Variants in TMEM108 observed in about 807,000 individuals in gnomAD.
The protein encoded by TMEM108 is cancer/testis antigen 124.
Under a neutral mutation model 35.1 loss-of-function variants are expected in TMEM108, and 12 were observed. The observed-to-expected ratio is 0.34, with a 90% confidence interval of 0.22 to 0.55. The LOEUF (loss-of-function observed/expected upper bound fraction) is 0.55, where lower values mean the gene tolerates loss of function less well. Among genes scored for constraint, TMEM108 ranks in the 20% least tolerant of loss-of-function variants. TMEM108 has a pLI of 0.89. For synonymous variants in TMEM108, 287 were observed against 308.6 expected (o/e 0.93, Z 0.73); for missense variants, 680 against 753.3 (o/e 0.90, Z 1.14).
At chr3:133,320,072 AGCC>A (rs1207979515) in intron 3 of TMEM108, among the ~76,000 whole-genome samples, 1 of 152,228 alleles carries the variant, frequency 6.6e-6, no homozygotes, top group Non-Finnish European at 1.5e-5. Context: ...GTTCAAGACC[AGCC>A]TGGGCAACAT....
intron 3 of TMEM108, among the ~76,000 whole-genome samples, chr3:133,262,928 T>G (rs965363678): frequency 1.3e-5 from 2 of 152,252 alleles, no homozygotes; most frequent in Non-Finnish European, 2.9e-5. Context: ...ATAAATCAAA[T>G]TTTTGTCCTG....
rs1201921776 is a variant in TMEM108, at chr3:133,252,100, T to A, written c.40+22749T>A. 3.3e-5 allele frequency among the ~76,000 whole-genome samples: 5 copies of A among 152,144 alleles called. No individual in the cohort carries two copies. In the South Asian group the frequency reaches 8.3e-4, roughly 25 times the overall value. On this transcript the variant is annotated intron_variant, in intron 3 of 5. Coordinates refer to ENST00000321871, the MANE Select transcript of TMEM108 (RefSeq NM_023943.4). ...GTTGATGTGGGTGTCCTTGAAATAA[T>A]GACTGACTGACCAGAACCACCTTAA...
intron 2 of TMEM108, among the ~76,000 whole-genome samples, chr3:133,097,743 C>A (rs1036121755): frequency 1.3e-5 from 2 of 152,146 alleles, no homozygotes; most frequent in African/African-American, 2.4e-5. Flanking sequence ...ATGTGGTTTA[C>A]TGTTACTTTT....
intron 2 of TMEM108, among the ~76,000 whole-genome samples, chr3:133,166,671 C>G (rs1467231273): frequency 6.6e-6 from 1 of 151,984 alleles, no homozygotes; most frequent in Non-Finnish European, 1.5e-5. Context: ...CCGGTGGGTT[C>G]ATGGTCTCGC....
Position 133,202,852 on chromosome 3 carries a change from G to A in TMEM108, c.-46-26414G>A, listed in dbSNP as rs1945691165. ...AGAAAGTCAGTGGTAGCTTGATGGG[G>A]ATATCATTGAATCTATAAATTACTT... On this transcript the variant is annotated intron_variant, in intron 2 of 5. Transcript: ENST00000321871. Among the ~76,000 whole-genome samples the A allele has an allele frequency of 2.0e-5, 3 of 152,080 alleles. No individual in the cohort carries two copies. In the South Asian group the frequency reaches 6.2e-4, roughly 32 times the overall value.
chr3:133,293,744 T>A (rs1422307908), intron 3 of TMEM108, among the ~76,000 whole-genome samples: 1 of 152,174 alleles, frequency 6.6e-6, no homozygotes, highest in East Asian at 1.9e-4. Flanking sequence ...AAGTAGAACA[T>A]GCCTACATCT....
intron 5 of TMEM108, among the ~76,000 whole-genome samples, chr3:133,390,570 G>A (rs1325540979): frequency 6.6e-6 from 1 of 152,128 alleles, no homozygotes; most frequent in East Asian, 1.9e-4. Context: ...ACTGTTCCTG[G>A]GACTTTTGGT....
At chr3:133,177,153 C>G (rs1945245035) in intron 2 of TMEM108, among the ~76,000 whole-genome samples, 1 of 152,208 alleles carries the variant, frequency 6.6e-6, no homozygotes, top group Non-Finnish European at 1.5e-5. Flanking sequence ...ATAACAGGCT[C>G]TGAAATTGAG....
At chr3:133,105,876 A>T (rs561687218) in intron 2 of TMEM108, among the ~76,000 whole-genome samples, 1 of 152,146 alleles carries the variant, frequency 6.6e-6, no homozygotes, top group African/African-American at 2.4e-5. Context: ...TTTCTCTGTT[A>T]TAGCCTGTGT....
rs1395900781 is a variant in TMEM108 at position 133,396,081 on chromosome 3, TG to T, written c.*96del. The T allele has an allele frequency of 1.1e-6, 1 of 936,898 alleles. No individual in the cohort carries two copies. Among genetic ancestry groups the T allele is most frequent in the African/African-American group, 1.7e-5 (1 of 57,442 alleles). 58.0% of individuals were successfully genotyped at this position (936,898 alleles called of 1,614,324 possible). A position where few individuals can be genotyped will look rare whatever the true frequency, so the allele number is the denominator to read the frequency against. ...TATAAATATAACCTTTGTGTAACCC[TG>T]ACTTAATGAGAAACATTTTCAGCTT... is the stretch of plus-strand genomic sequence containing the variant. On this transcript the variant is annotated 3_prime_UTR_variant, in exon 6 of 6. Transcript: ENST00000321871.
intron 3 of TMEM108, among the ~76,000 whole-genome samples, chr3:133,235,961 G>A (rs1239025382): frequency 6.6e-6 from 1 of 152,112 alleles, no homozygotes; most frequent in Non-Finnish European, 1.5e-5. Context: ...CTGAATCTGA[G>A]TCTTGATTTA....
At chr3:133,244,687 C>A (rs1313839657) in intron 3 of TMEM108, among the ~76,000 whole-genome samples, 1 of 152,210 alleles carries the variant, frequency 6.6e-6, no homozygotes, top group Admixed American at 6.5e-5. Context: ...TTGGCAGAAT[C>A]ATTGCCAGCC....
chr3:133,288,044 A>G (rs2107692935), intron 3 of TMEM108, among the ~76,000 whole-genome samples: 1 of 152,352 alleles, frequency 6.6e-6, no homozygotes, highest in South Asian at 2.1e-4. Context: ...ATCAAGCCCC[A>G]GGATAGAAGG....
intron 2 of TMEM108, among the ~76,000 whole-genome samples, chr3:133,068,731 G>T (rs1167336361): frequency 1.3e-5 from 2 of 152,196 alleles, no homozygotes; most frequent in East Asian, 1.9e-4. Context: ...CCTGTTACCT[G>T]TGAGGATATA....
intron 2 of TMEM108, chr3:133,124,890 A>G (rs1944395983): frequency 6.6e-6 from 1 of 152,292 alleles, no homozygotes; most frequent in African/African-American, 2.4e-5. Flanking sequence ...AGTGGGCAGT[A>G]GAGCGGAGGC....
At chr3:133,231,410 G>A (rs1341792409) in intron 3 of TMEM108, among the ~76,000 whole-genome samples, 1 of 152,176 alleles carries the variant, frequency 6.6e-6, no homozygotes, top group East Asian at 1.9e-4. Flanking sequence ...ACTGCAGAGT[G>A]TTTGGGACCT....
At chr3:133,064,729 A>G (rs1943575067) in intron 2 of TMEM108, among the ~76,000 whole-genome samples, 1 of 150,920 alleles carries the variant, frequency 6.6e-6, no homozygotes, top group South Asian at 2.1e-4. Context: ...TTTTTAATGG[A>G]CAGTTAAGCA....
chr3:133,155,137 G>A (rs915610778), intron 2 of TMEM108, among the ~76,000 whole-genome samples: 1 of 152,012 alleles, frequency 6.6e-6, no homozygotes, highest in African/African-American at 2.4e-5. Context: ...CATTCGTTTG[G>A]TAAGGATAAT....
chr3:133,057,825 G>C (rs1279133126), intron 2 of TMEM108, among the ~76,000 whole-genome samples: 1 of 152,114 alleles, frequency 6.6e-6, no homozygotes, highest in Non-Finnish European at 1.5e-5. Flanking sequence ...AGATTTTATA[G>C]GCTGGCAACG....
Sources: gnomAD v4.1 joint callset for allele counts (sites outside exome capture counted in the v4.1 genomes callset) on GRCh38, gnomAD v4.1.1 for gene constraint, MANE v1.5 for transcripts, NCBI Gene and HGNC (gene_info 2026-07-23, HGNC 2026-07-21) for gene names.